The following GALNTL6 variants were observed in gnomAD, a reference collection of about 807,000 sequenced individuals.
GALNTL6 encodes the protein polypeptide N-acetylgalactosaminyltransferase like 6.
Under a neutral mutation model 73.7 loss-of-function variants are expected in GALNTL6, and 46 were observed. The ratio of observed to expected loss-of-function variants is 0.62; its 90% CI spans 0.49 to 0.80. The LOEUF (loss-of-function observed/expected upper bound fraction) is 0.80, where lower values mean the gene tolerates loss of function less well. Among genes scored for constraint, GALNTL6 ranks in the 30% least tolerant of loss-of-function variants. GALNTL6 has a pLI of 0.00. For synonymous variants in GALNTL6, 259 were observed against 263.7 expected (o/e 0.98, Z 0.17); for missense variants, 604 against 755.0 (o/e 0.80, Z 2.34).
Position 172,276,090 on chromosome 4 carries a change from A to C in GALNTL6, c.248-35524A>C, listed in dbSNP as rs182665560. Reference sequence around the variant, plus strand: ...CACATCACACTATGGAGCCTAAAAAAGTAAGACAATAATTTCCAAGATTGT... The same window carrying C: ...CACATCACACTATGGAGCCTAAAAACGTAAGACAATAATTTCCAAGATTGT... On this transcript the variant is annotated intron_variant, in intron 3 of 12. Transcript: ENST00000506823. 2.0e-4 allele frequency among the ~76,000 whole-genome samples: 31 copies of C among 152,354 alleles called. No homozygotes were observed. In the East Asian group the frequency reaches 2.7e-3, roughly 13 times the overall value.
At chr4:172,214,999 C>T (rs534525406) in intron 2 of GALNTL6, among the ~76,000 whole-genome samples, 92 of 152,060 alleles carry the variant, frequency 6.1e-4, no homozygotes, top group African/African-American at 2.2e-3. Context: ...GTTCAAATTT[C>T]TCTGAGGTAT....
chr4:173,029,617 A>C, intron 12 of GALNTL6, among the ~76,000 whole-genome samples: 1 of 152,172 alleles, frequency 6.6e-6, no homozygotes, highest in East Asian at 1.9e-4. Context: ...GAGTTGATTG[A>C]TTTCCTGCCT....
chr4:172,772,726 G>A (rs981829848), intron 5 of GALNTL6, among the ~76,000 whole-genome samples: 1 of 107,730 alleles, frequency 9.3e-6, no homozygotes, highest in African/African-American at 2.8e-5. Flanking sequence ...GCTGAGTAGT[G>A]GCCCCAAAGA....
intron 2 of GALNTL6, among the ~76,000 whole-genome samples, chr4:172,161,816 A>G (rs905238045): frequency 1.3e-5 from 2 of 152,054 alleles, no homozygotes; most frequent in Non-Finnish European, 2.9e-5. Flanking sequence ...TCAGAGTGCT[A>G]TGCTTGACTT....
intron 8 of GALNTL6, among the ~76,000 whole-genome samples, chr4:172,904,551 T>C (rs1177522008): frequency 6.6e-6 from 1 of 152,114 alleles, no homozygotes; most frequent in East Asian, 1.9e-4. Flanking sequence ...GGTACCCAGG[T>C]TTGTTGAATG....
chr4:172,207,078 A>G (rs909223661), intron 2 of GALNTL6, among the ~76,000 whole-genome samples: 22 of 151,678 alleles, frequency 1.5e-4, no homozygotes, highest in African/African-American at 5.1e-4. Context: ...TGGCCTCCCA[A>G]AGTGCTGGGA....
At chr4:172,841,373 C>T (rs1743197287) in intron 7 of GALNTL6, among the ~76,000 whole-genome samples, 1 of 152,188 alleles carries the variant, frequency 6.6e-6, no homozygotes, top group African/African-American at 2.4e-5. Context: ...TCCCTTTCAA[C>T]TGGTAAGTAG....
At chr4:173,001,151 G>C (rs1752025891) in intron 10 of GALNTL6, among the ~76,000 whole-genome samples, 1 of 152,086 alleles carries the variant, frequency 6.6e-6, no homozygotes, top group Non-Finnish European at 1.5e-5. Context: ...CAGAAACTAG[G>C]AGAGAAGCAT....
At chr4:171,946,823 A>G (rs1307018606) in intron 2 of GALNTL6, among the ~76,000 whole-genome samples, 1 of 152,072 alleles carries the variant, frequency 6.6e-6, no homozygotes, top group African/African-American at 2.4e-5. Flanking sequence ...AGGGACAGAG[A>G]GGGGCCAGAA....
chr4:172,198,104 C>A (rs780290160), intron 2 of GALNTL6, among the ~76,000 whole-genome samples: 11 of 151,958 alleles, frequency 7.2e-5, no homozygotes, highest in Non-Finnish European at 1.2e-4. Flanking sequence ...GAGTGAGACT[C>A]TGTCAAAAAA....
chr4:171,943,729 T>C (rs1483518374), intron 2 of GALNTL6, among the ~76,000 whole-genome samples: 3 of 152,160 alleles, frequency 2.0e-5, no homozygotes, highest in Non-Finnish European at 4.4e-5. Context: ...AGAATTCAAA[T>C]GCAAAGAGAA....
intron 5 of GALNTL6, among the ~76,000 whole-genome samples, chr4:172,702,757 T>C (rs1734098309): frequency 6.6e-6 from 1 of 152,036 alleles, no homozygotes; most frequent in African/African-American, 2.4e-5. Flanking sequence ...ATTTCTGTTG[T>C]TTACAAATTA....
chr4:172,189,269 T>C (rs1189016206), intron 2 of GALNTL6, among the ~76,000 whole-genome samples: 2 of 152,120 alleles, frequency 1.3e-5, no homozygotes, highest in Non-Finnish European at 2.9e-5. Flanking sequence ...ACCTAAAATA[T>C]CTGTATAGTT....
chr4:172,484,433 T>A (rs1007242703), intron 5 of GALNTL6, among the ~76,000 whole-genome samples: 1 of 152,194 alleles, frequency 6.6e-6, no homozygotes, highest in Non-Finnish European at 1.5e-5. Flanking sequence ...AGGGAGTGAT[T>A]AATGATGTGC....
intron 2 of GALNTL6, among the ~76,000 whole-genome samples, chr4:171,994,627 C>A (rs964039729): frequency 6.6e-6 from 1 of 151,864 alleles, no homozygotes; most frequent in African/African-American, 2.4e-5. Context: ...AAGAACGTAT[C>A]CATGTAACCA....
chr4:172,314,938 T>C (rs747023777), intron 4 of GALNTL6, among the ~76,000 whole-genome samples: 28 of 152,116 alleles, frequency 1.8e-4, no homozygotes, highest in Non-Finnish European at 4.0e-4. Flanking sequence ...AGAAATTTTC[T>C]GATTCATTTC....
At chr4:172,973,517 C>G (rs1750671062) in intron 10 of GALNTL6, among the ~76,000 whole-genome samples, 1 of 151,974 alleles carries the variant, frequency 6.6e-6, no homozygotes, top group South Asian at 2.1e-4. Context: ...AGGAACTGTT[C>G]TAGATTACAA....
intron 5 of GALNTL6, among the ~76,000 whole-genome samples, chr4:172,793,209 G>A (rs1328122295): frequency 6.6e-6 from 1 of 152,108 alleles, no homozygotes; most frequent in Non-Finnish European, 1.5e-5. Context: ...ATTAACTAAT[G>A]TTTTAATCAC....
At chr4:172,324,590 T>C (rs1740880454) in intron 4 of GALNTL6, among the ~76,000 whole-genome samples, 1 of 151,322 alleles carries the variant, frequency 6.6e-6, no homozygotes, top group South Asian at 2.1e-4. Flanking sequence ...TTTATATTTA[T>C]TTATATTTAT....
Sources: allele counts gnomAD v4.1 joint callset (sites outside exome capture counted in the v4.1 genomes callset), GRCh38; gene constraint gnomAD v4.1.1; transcripts MANE v1.5; gene names NCBI Gene and HGNC (gene_info 2026-07-23, HGNC 2026-07-21).